The following WDR59 variants were observed in gnomAD, a reference collection of about 807,000 sequenced individuals.
WDR59 encodes the protein WD repeat domain 59.
In WDR59, 100 loss-of-function variants were observed where a neutral mutation model predicts 131.2. The observed-to-expected ratio is 0.76, with a 90% CI of 0.65 to 0.90. The LOEUF is 0.90. Ranked by LOEUF, WDR59 falls within the 40% of genes least tolerant of loss-of-function variation. The pLI, the probability that WDR59 is intolerant of heterozygous loss-of-function variation, is 0.00. For synonymous variants in WDR59, 601 were observed against 466.2 expected (o/e 1.29, Z -3.72); for missense variants, 1,203 against 1,262.2 (o/e 0.95, Z 0.71).
At position 74,871,571 on chromosome 16, in the gene WDR59, AT is replaced by A. The variant is rs1297347500; in HGVS notation, c.*2637del. 1.3e-5 allele frequency: 2 copies of A among 152,214 alleles called. No homozygotes were observed. Among genetic ancestry groups the A allele is most frequent in the African/African-American group, 4.8e-5 (2 of 41,462 alleles). 9.4% of individuals were successfully genotyped at this position (152,214 alleles called of 1,614,324 possible). On this transcript the variant is annotated 3_prime_UTR_variant, in exon 26 of 26. Transcript: ENST00000262144. ...TTCTTCACACCATTAAGGTTTTTCAATTTTGAAAGTCAATGTTCCTCCAACA... is the reference window on the plus strand; with the variant it reads ...TTCTTCACACCATTAAGGTTTTTCAATTTGAAAGTCAATGTTCCTCCAACA...
In WDR59 at chr16:74,886,073, G is replaced by T. The variant is rs570150485; in HGVS notation, c.2546+197C>A. The T allele has an allele frequency of 1.2e-4, 84 of 728,774 alleles. No homozygotes were observed. The African/African-American group carries it at 1.3e-3, about 11-fold the overall frequency. 45.1% of individuals were successfully genotyped at this position (728,774 alleles called of 1,614,324 possible). A position where few individuals can be genotyped will look rare whatever the true frequency, so the allele number is the denominator to read the frequency against. On this transcript the variant is annotated intron_variant, in intron 24 of 25. Transcript: ENST00000262144. Reference sequence around the variant, plus strand: ...TGTGCCTGTAATCCCAGCTACTCAGGAGGCTGAGGCAGGAGAATCACTTGA... The same window carrying T: ...TGTGCCTGTAATCCCAGCTACTCAGTAGGCTGAGGCAGGAGAATCACTTGA...
intron 1 of WDR59, 45 bp downstream of exon 1, chr16:74,984,919 G>A (rs1397649180): frequency 6.3e-7 from 1 of 1,589,996 alleles, no homozygotes; most frequent in Non-Finnish European, 8.6e-7. Flanking sequence ...GAGGGGAAGC[G>A]GGGAGGACGC....
intron 17 of WDR59, among the ~76,000 whole-genome samples, chr16:74,907,062 C>A (rs1217139237): frequency 1.3e-5 from 2 of 152,178 alleles, no homozygotes; most frequent in Non-Finnish European, 2.9e-5. Flanking sequence ...GGACTGTTTT[C>A]TACTCCAATA....
intron 13 of WDR59, among the ~76,000 whole-genome samples, chr16:74,914,843 T>A (rs893302584): frequency 1.3e-5 from 2 of 152,140 alleles, no homozygotes; most frequent in African/African-American, 2.4e-5. Context: ...CCGTCTACCT[T>A]GGCCTCCCAA....
chr16:74,911,807 C>A (rs1001471766), intron 14 of WDR59, among the ~76,000 whole-genome samples: 2 of 152,162 alleles, frequency 1.3e-5, no homozygotes, highest in African/African-American at 4.8e-5. Flanking sequence ...CTAACCTGGG[C>A]TGCTAAATGA....
In WDR59 at chr16:74,927,931, C is replaced by T. The variant is rs148657664; in HGVS notation, c.652-3928G>A. On this transcript the variant is annotated intron_variant, in intron 8 of 25. Coordinates refer to ENST00000262144, the MANE Select transcript of WDR59 (RefSeq NM_030581.4). ...TTCTTTTTTTTTTTTTTTTTTGAGACGGAGTCTTGCTCTGTTGCCAGGCTG... is the reference window on the plus strand; with the variant it reads ...TTCTTTTTTTTTTTTTTTTTTGAGATGGAGTCTTGCTCTGTTGCCAGGCTG... Among the ~76,000 whole-genome samples, 1,136 of 119,612 alleles carry T rather than the reference C, an allele frequency of 9.5e-3. 7 individuals are homozygous for T. The highest frequency in any genetic ancestry group is 0.013 in the Non-Finnish European group (826 of 61,630). The allele number at this position is 119,612 out of a possible 152,430, so 78.5% of individuals were successfully genotyped here.
rs546234969 is a variant in WDR59 at position 74,922,323 on chromosome 16, G to C, written c.730-220C>G. On this transcript the variant is annotated intron_variant, in intron 9 of 25. Coordinates refer to ENST00000262144, the MANE Select transcript of WDR59 (RefSeq NM_030581.4). ...ACCAAAGCAAGTGAAAACTCAGGCT[G>C]AGGCAAGCGCTTGAAGAACTTTGAA... is the stretch of plus-strand genomic sequence containing the variant. 2.0e-4 allele frequency among the ~76,000 whole-genome samples: 31 copies of C among 152,320 alleles called. No individual in the cohort carries two copies. In the South Asian group the frequency reaches 4.6e-3, roughly 22 times the overall value.
At chr16:74,983,181 A>G (rs1341619216) in intron 1 of WDR59, among the ~76,000 whole-genome samples, 2 of 152,130 alleles carry the variant, frequency 1.3e-5, no homozygotes, top group Non-Finnish European at 2.9e-5. Context: ...TGTCTCTACA[A>G]AAAATAATAG....
intron 2 of WDR59, among the ~76,000 whole-genome samples, chr16:74,960,379 C>T (rs979875780): frequency 2.6e-5 from 4 of 151,602 alleles, no homozygotes; most frequent in East Asian, 1.9e-4. Context: ...GCAAAACTGA[C>T]GAGGCCAGAA....
chr16:74,979,338 C>T (rs902114896), intron 1 of WDR59, among the ~76,000 whole-genome samples: 75 of 151,470 alleles, frequency 5.0e-4, no homozygotes, highest in Non-Finnish European at 4.7e-4. Context: ...TGGTGGCGGG[C>T]GCCTGTAGTC....
intron 18 of WDR59, among the ~76,000 whole-genome samples, chr16:74,902,543 T>C (rs1406970199): frequency 6.6e-6 from 1 of 151,866 alleles, no homozygotes; most frequent in Non-Finnish European, 1.5e-5. Flanking sequence ...CCCCACAAAG[T>C]GAAAATTACG....
At chr16:74,957,858 G>C (rs1012898788) in intron 2 of WDR59, among the ~76,000 whole-genome samples, 1 of 152,142 alleles carries the variant, frequency 6.6e-6, no homozygotes, top group Admixed American at 6.6e-5. Flanking sequence ...AAAACTCTAG[G>C]TGGTAGCAGA....
intron 1 of WDR59, among the ~76,000 whole-genome samples, chr16:74,976,991 G>C (rs1182899393): frequency 6.6e-6 from 1 of 152,076 alleles, no homozygotes; most frequent in Middle Eastern, 3.2e-3. Flanking sequence ...GACATTGCGA[G>C]ACCCTGTCTG....
chr16:74,940,887 G>C (rs998263309), intron 7 of WDR59, among the ~76,000 whole-genome samples: 1 of 151,840 alleles, frequency 6.6e-6, no homozygotes, highest in Admixed American at 6.6e-5. Context: ...TGTATTTTTA[G>C]TACAGACGGG....
At chr16:74,943,141 C>G (rs1283583642) in intron 6 of WDR59, among the ~76,000 whole-genome samples, 3 of 152,086 alleles carry the variant, frequency 2.0e-5, no homozygotes, top group Non-Finnish European at 4.4e-5. Context: ...GCACTGCTGG[C>G]TAGTAATTGA....
chr16:74,918,614 C>T (rs545015825), intron 10 of WDR59, among the ~76,000 whole-genome samples: 47 of 152,106 alleles, frequency 3.1e-4, no homozygotes, highest in Admixed American at 5.2e-4. Flanking sequence ...TAACTCTGGT[C>T]AAAGGGAAAT....
rs144181900 is a variant in WDR59, at chr16:74,916,140, A to G, written c.1086T>C (p.His362=). ...TTGACAAATTACCTTCTTCCTCCCC[A>G]TGGCTTGCAGTGTGCTGGTGATCTG... ...EDTDHQHTAS[H]GEEEALKEDP... is the part of the protein sequence containing the mutation. The change falls in exon 12 of 26, where the codon CAT becomes CAC. Residue 362 remains histidine, a synonymous_variant. Coordinates refer to ENST00000262144, the MANE Select transcript of WDR59 (RefSeq NM_030581.4). 1.2e-6 allele frequency: 2 copies of G among 1,613,996 alleles called. No homozygotes were observed. Among genetic ancestry groups the G allele is most frequent in the Non-Finnish European group, 1.7e-6 (2 of 1,180,024 alleles).
At chr16:74,935,778 C>A (rs928983628) in intron 8 of WDR59, among the ~76,000 whole-genome samples, 1 of 151,972 alleles carries the variant, frequency 6.6e-6, no homozygotes, top group Non-Finnish European at 1.5e-5. Context: ...GCAGGTAGAG[C>A]ACAAGGTCAA....
At chr16:74,932,706 C>A (rs2031494204) in intron 8 of WDR59, among the ~76,000 whole-genome samples, 1 of 152,014 alleles carries the variant, frequency 6.6e-6, no homozygotes, top group South Asian at 2.1e-4. Flanking sequence ...CCAGGCTGGT[C>A]TCCACCTCCT....
Sources: allele counts gnomAD v4.1 joint callset (sites outside exome capture counted in the v4.1 genomes callset), GRCh38; gene constraint gnomAD v4.1.1; transcripts MANE v1.5; gene names NCBI Gene and HGNC (gene_info 2026-07-23, HGNC 2026-07-21).